ZFR: variants seen among roughly 807,000 people sequenced by gnomAD.
ZFR encodes zinc finger RNA-binding protein.
Under a neutral mutation model 130.7 loss-of-function variants are expected in ZFR, and 19 were observed. That is an observed-to-expected ratio of 0.15 (90% CI 0.10 to 0.21). The LOEUF (loss-of-function observed/expected upper bound fraction) is 0.21. ZFR is among the 10% of genes least tolerant of loss of function. The pLI is 1.00. For synonymous variants in ZFR, 466 were observed against 456.9 expected (o/e 1.02, Z -0.25); for missense variants, 872 against 1,321.5 (o/e 0.66, Z 5.27).
intron 14 of ZFR, among the ~76,000 whole-genome samples, chr5:32,386,655 T>C (rs575781182): frequency 6.6e-6 from 1 of 152,042 alleles, no homozygotes; most frequent in South Asian, 2.1e-4. Flanking sequence ...AAAAAAAGAC[T>C]CATCTACAAT....
rs920464630 is a variant in ZFR, at chr5:32,403,529, T to C, written c.1225-132A>G. On this transcript the variant is annotated intron_variant, in intron 7 of 19. Coordinates refer to ENST00000265069, the MANE Select transcript of ZFR (RefSeq NM_016107.5). ...ATTTTTTCTGCTATATGTTTTTGTA[T>C]ATACACACATATACAAAACTCATTA... is the stretch of plus-strand genomic sequence containing the variant. The C allele has an allele frequency of 5.8e-6, 6 of 1,042,606 alleles. No individual in the cohort carries two copies. In the East Asian group the frequency reaches 1.0e-4, roughly 18 times the overall value. 64.6% of individuals were successfully genotyped at this position (1,042,606 alleles called of 1,614,324 possible).
intron 7 of ZFR, 110 bp downstream of exon 7, chr5:32,403,796 A>G (rs1753521566): frequency 1.1e-6 from 1 of 940,796 alleles, no homozygotes. Context: ...CAAGGCTTAT[A>G]ATGCACTTAA....
intron 2 of ZFR, among the ~76,000 whole-genome samples, chr5:32,423,114 G>A (rs930001733): frequency 3.3e-5 from 5 of 152,176 alleles, no homozygotes; most frequent in African/African-American, 1.2e-4. Context: ...AGGCCAAGAA[G>A]GCTGGATCTT....
At chr5:32,413,984 C>A (rs191557326) in intron 5 of ZFR, among the ~76,000 whole-genome samples, 2 of 152,310 alleles carry the variant, frequency 1.3e-5, no homozygotes, top group African/African-American at 4.8e-5. Context: ...TCATTCAATT[C>A]ATTTCCACCT....
intron 13 of ZFR, 43 bp downstream of exon 13, chr5:32,388,426 G>GA: frequency 1.3e-6 from 2 of 1,596,462 alleles, no homozygotes; most frequent in Non-Finnish European, 1.7e-6. Flanking sequence ...GTCCACATAA[G>GA]AAAAACCAAA....
In ZFR at chr5:32,355,733, T is replaced by C. The variant is rs1414714124; in HGVS notation, c.*27A>G. The C allele has an allele frequency of 6.5e-7, 1 of 1,542,806 alleles. No homozygotes were observed. ...AGCCAACAAATGGGCATCTGTTTTT[T>C]TAACACTGAAGATTTACAGACACTT... On this transcript the variant is annotated 3_prime_UTR_variant, in exon 20 of 20. Coordinates refer to ENST00000265069, the MANE Select transcript of ZFR (RefSeq NM_016107.5).
chr5:32,411,730 A>G, intron 5 of ZFR, among the ~76,000 whole-genome samples: 1 of 146,814 alleles, frequency 6.8e-6, no homozygotes, highest in African/African-American at 2.5e-5. Flanking sequence ...GGAATAGAAA[A>G]TATAATACAA....
intron 2 of ZFR, among the ~76,000 whole-genome samples, chr5:32,428,101 T>A (rs150705169): frequency 6.6e-6 from 1 of 152,164 alleles, no homozygotes; most frequent in Non-Finnish European, 1.5e-5. Context: ...GGCAAAAAAT[T>A]AGACAAATGA....
chr5:32,387,416 C>T (rs895730965), intron 14 of ZFR, 133 bp downstream of exon 14: 2 of 967,408 alleles, frequency 2.1e-6, no homozygotes, highest in Non-Finnish European at 3.1e-6. Flanking sequence ...CACAATCAAA[C>T]AAAAAAACTC....
chr5:32,415,365 CAAAT>C (rs1028829764), intron 4 of ZFR, among the ~76,000 whole-genome samples, 178 bp from the exon 5 acceptor site: 2 of 152,074 alleles, frequency 1.3e-5, no homozygotes, highest in Non-Finnish European at 2.9e-5. Flanking sequence ...ATAGAATATA[CAAAT>C]AAATATACTA....
At chr5:32,395,787 T>C (rs554922123) in intron 10 of ZFR, among the ~76,000 whole-genome samples, 1 of 152,310 alleles carries the variant, frequency 6.6e-6, no homozygotes, top group South Asian at 2.1e-4. Flanking sequence ...TTTCATATTT[T>C]CTCAATAATA....
At chr5:32,431,150 A>T (rs1754205066) in intron 2 of ZFR, among the ~76,000 whole-genome samples, 1 of 152,254 alleles carries the variant, frequency 6.6e-6, no homozygotes, top group Non-Finnish European at 1.5e-5. Context: ...TACTTTAGAA[A>T]GAATAAAAAT....
intron 5 of ZFR, 69 bp downstream of exon 5, chr5:32,414,898 CAA>C: frequency 1.5e-6 from 2 of 1,357,428 alleles, no homozygotes; most frequent in Non-Finnish European, 2.0e-6. Context: ...ATTTCAAAGA[CAA>C]TCAAGATAGT....
At chr5:32,437,119 T>TTG (rs963578235) in intron 2 of ZFR, among the ~76,000 whole-genome samples, 2 of 152,190 alleles carry the variant, frequency 1.3e-5, no homozygotes, top group Non-Finnish European at 2.9e-5. Flanking sequence ...TACTTTTCCT[T>TTG]TGTCTAAAAT....
At chr5:32,425,895 G>A (rs1298989418) in intron 2 of ZFR, among the ~76,000 whole-genome samples, 5 of 152,182 alleles carry the variant, frequency 3.3e-5, no homozygotes, top group Admixed American at 2.6e-4. Flanking sequence ...ATAATTAGAA[G>A]TGCTACAGGA....
intron 2 of ZFR, among the ~76,000 whole-genome samples, chr5:32,439,513 G>A (rs1239797420): frequency 6.6e-6 from 1 of 152,130 alleles, no homozygotes; most frequent in Non-Finnish European, 1.5e-5. Flanking sequence ...AAGTCCCTAA[G>A]ACATCTCAAA....
At chr5:32,355,972 T>C (rs755209049) in intron 19 of ZFR, 33 bp from the exon 20 acceptor site, 20 of 1,545,512 alleles carry the variant, frequency 1.3e-5, no homozygotes, top group Middle Eastern at 1.7e-4. Context: ...TTTGAGTTAA[T>C]TGAAAAACCC....
chr5:32,416,139 A>G (rs1185084712), intron 4 of ZFR, among the ~76,000 whole-genome samples: 1 of 152,284 alleles, frequency 6.6e-6, no homozygotes, highest in Admixed American at 6.5e-5. Flanking sequence ...ACACAAAAAG[A>G]TAATACTTTA....
At chr5:32,365,792 G>T (rs1752528449) in intron 17 of ZFR, among the ~76,000 whole-genome samples, 1 of 152,030 alleles carries the variant, frequency 6.6e-6, no homozygotes, top group Non-Finnish European at 1.5e-5. Flanking sequence ...TAGAGATGGG[G>T]TCTCACTATG....
Sources: allele counts gnomAD v4.1 joint callset (sites outside exome capture counted in the v4.1 genomes callset), GRCh38; gene constraint gnomAD v4.1.1; transcripts MANE v1.5; gene names NCBI Gene and HGNC (gene_info 2026-07-23, HGNC 2026-07-21).